PIP5K1C: variants seen among roughly 807,000 people sequenced by gnomAD.
PIP5K1C encodes the protein phosphatidylinositol 4-phosphate 5-kinase type-1 gamma.
A neutral mutation model predicts 80.1 loss-of-function variants in PIP5K1C; 45 were observed. The ratio of observed to expected loss-of-function variants is 0.56; its 90% CI spans 0.44 to 0.72. PIP5K1C has a LOEUF of 0.72. Ranked by LOEUF, PIP5K1C falls within the 30% of genes least tolerant of loss-of-function variation. PIP5K1C has a pLI of 0.00. For synonymous variants in PIP5K1C, 498 were observed against 420.1 expected (o/e 1.19, Z -2.27); for missense variants, 753 against 954.6 (o/e 0.79, Z 2.78).
intron 5 of PIP5K1C, among the ~76,000 whole-genome samples, chr19:3,659,832 A>T (rs1463498993): frequency 3.3e-5 from 5 of 152,148 alleles, no homozygotes; most frequent in Non-Finnish European, 7.4e-5. Context: ...ACGCACGCAC[A>T]GTCAGCAACC....
intron 2 of PIP5K1C, among the ~76,000 whole-genome samples, chr19:3,665,808 GAC>G (rs1383051951): frequency 1.3e-5 from 2 of 152,070 alleles, no homozygotes; most frequent in African/African-American, 4.8e-5. Flanking sequence ...AGCCTGAAGG[GAC>G]ACAGAGGCCA....
rs748334927 is a variant in PIP5K1C, at chr19:3,644,167, G to C, written c.1430C>G (p.Ala477Gly). The C allele has an allele frequency of 3.7e-6, 6 of 1,612,136 alleles. No individual in the cohort carries two copies. The African/African-American group carries it at 8.0e-5, about 22-fold the overall frequency. Reference protein sequence around the residue: ...KPLGPTAAFSASQIPSEREEA... With the variant: ...KPLGPTAAFSGSQIPSEREEA... ...CTCCCGCTCGCTAGGGATCTGGCTG[G>C]CCGAGAAGGCAGCGGTGGGCCCCAG... is the stretch of plus-strand genomic sequence containing the variant. The change falls in exon 12 of 18, where the codon GCC becomes GGC. Residue 477 changes from alanine to glycine, a missense_variant. By Grantham distance (60) the Ala-to-Gly change is moderately conservative. Coordinates refer to ENST00000335312, the MANE Select transcript of PIP5K1C (RefSeq NM_012398.3).
rs993731792 is a variant in PIP5K1C at position 3,688,327 on chromosome 19, CAG to C, written c.94+11968_94+11969del. Among the ~76,000 whole-genome samples, 2 of 152,168 alleles carry C rather than the reference CAG, an allele frequency of 1.3e-5. No homozygotes were observed. Among genetic ancestry groups the C allele is most frequent in the Non-Finnish European group, 2.9e-5 (2 of 68,016 alleles). The stretch of plus-strand genomic sequence containing the variant: ...CCTGAGGTTAGGCCGTGGTGGGAAA[CAG>C]AGCGGGGTGCCGCAGGGGAGCCCGC... On this transcript the variant is annotated intron_variant, in intron 1 of 17. Transcript: ENST00000335312. This position sits in a 1 kb window ranked among gnomAD's most constrained non-coding sequence, Gnocchi z 5.3.
Position 3,637,522 on chromosome 19 carries a change from C to G in PIP5K1C, c.1920+1362G>C. The stretch of plus-strand genomic sequence containing the variant: ...TGCCCCTTCTCCCCAGGGTGGCCGG[C>G]TGCGGTCACTTACAGTCCCCGAGGC... On this transcript the variant is annotated intron_variant, in intron 16 of 17. Coordinates refer to ENST00000335312, the MANE Select transcript of PIP5K1C (RefSeq NM_012398.3). This position sits in a 1 kb window ranked among gnomAD's most constrained non-coding sequence, Gnocchi z 7.0. 1 of 1,534,952 alleles carries G rather than the reference C, an allele frequency of 6.5e-7. No homozygotes were observed. Among genetic ancestry groups the G allele is most frequent in the African/African-American group, 1.4e-5 (1 of 73,082 alleles).
intron 4 of PIP5K1C, 35 bp from the exon 5 acceptor site, chr19:3,661,118 G>C: frequency 6.9e-7 from 1 of 1,457,020 alleles, no homozygotes; most frequent in Non-Finnish European, 9.6e-7. Flanking sequence ...CCTGTGAGGG[G>C]TGGTGGGCAC....
chr19:3,662,227 G>A (rs892781111), intron 3 of PIP5K1C, among the ~76,000 whole-genome samples: 12 of 152,216 alleles, frequency 7.9e-5, no homozygotes, highest in Non-Finnish European at 1.5e-5. Context: ...CCAGGACAGG[G>A]CTCGGCTGCA....
In PIP5K1C at chr19:3,696,037, A is replaced by C. The variant is rs1034644227; in HGVS notation, c.94+4260T>G. On this transcript the variant is annotated intron_variant, in intron 1 of 17. Transcript: ENST00000335312. The surrounding 1 kb of genome is among the most constrained non-coding windows in gnomAD (Gnocchi z 4.1). ...TGAGCCACCGTGCCCGGCCTCCCTG[A>C]CCTTTTTACACAGACCACCACAGCT... Among the ~76,000 whole-genome samples the C allele has an allele frequency of 6.6e-6, 1 of 151,966 alleles. No homozygotes were observed. Among genetic ancestry groups the C allele is most frequent in the African/African-American group, 2.4e-5 (1 of 41,378 alleles).
rs139419198 is a variant in PIP5K1C, at chr19:3,635,251, G to A, written c.1921-1731C>T. On this transcript the variant is annotated intron_variant, in intron 16 of 17. Transcript: ENST00000335312. ...ACAGTATCCTTCTGCTACAGCATTAGAAACGGGGATACAGGCCAGGTGCAG... is the reference window on the plus strand; with the variant it reads ...ACAGTATCCTTCTGCTACAGCATTAAAAACGGGGATACAGGCCAGGTGCAG... Among the ~76,000 whole-genome samples, 401 of 152,352 alleles carry A rather than the reference G, an allele frequency of 2.6e-3. 5 individuals carry two copies. In the East Asian group the frequency reaches 0.032, roughly 12 times the overall value.
chr19:3,647,253 G>A (rs1162288860), intron 10 of PIP5K1C, 85 bp downstream of exon 10: 24 of 1,191,772 alleles, frequency 2.0e-5, no homozygotes, highest in African/African-American at 1.4e-4. Context: ...CACTCACAGA[G>A]GGAGGAGGGA....
intron 1 of PIP5K1C, 82 bp from the exon 2 acceptor site, chr19:3,667,435 G>C (rs1490738565): frequency 3.3e-6 from 5 of 1,513,426 alleles, no homozygotes; most frequent in Non-Finnish European, 4.6e-6. Context: ...CCCACCTTCT[G>C]GCGCCCCAGG....
chr19:3,668,909 C>T (rs1476279460), intron 1 of PIP5K1C, among the ~76,000 whole-genome samples: 2 of 152,156 alleles, frequency 1.3e-5, no homozygotes, highest in Admixed American at 1.3e-4. Context: ...CCACGCTGCA[C>T]GGATAACAGC....
intron 1 of PIP5K1C, among the ~76,000 whole-genome samples, chr19:3,685,987 G>A (rs1438885874): frequency 1.3e-5 from 2 of 151,576 alleles, no homozygotes; most frequent in Non-Finnish European, 2.9e-5. Flanking sequence ...TCAGCCTCCT[G>A]AGTAGCTGGG....
chr19:3,637,752 A>C lies in PIP5K1C; in HGVS notation c.1920+1132T>G. On this transcript the variant is annotated intron_variant, in intron 16 of 17. Transcript: ENST00000335312. The surrounding 1 kb of genome is among the most constrained non-coding windows in gnomAD (Gnocchi z 7.0). ...TGGGGACAGCTGACTGCCAAGCAGA[A>C]GGTGGGGGGTGCCGGGGCAGGGGCA... The C allele has an allele frequency of 7.0e-7, 1 of 1,429,830 alleles. No homozygotes were observed. Among genetic ancestry groups the C allele is most frequent in the Admixed American group, 2.1e-5 (1 of 48,534 alleles). The allele number at this position is 1,429,830 out of a possible 1,614,324, so 88.6% of individuals were successfully genotyped here.
chr19:3,634,082 C>A (rs1003432782), intron 16 of PIP5K1C, among the ~76,000 whole-genome samples: 2 of 152,148 alleles, frequency 1.3e-5, no homozygotes, highest in Non-Finnish European at 2.9e-5. Flanking sequence ...GCTCGGACCA[C>A]CCACCCTGCA....
chr19:3,656,135 GGAGCCA>G (rs2034622149), intron 6 of PIP5K1C, among the ~76,000 whole-genome samples: 2 of 152,218 alleles, frequency 1.3e-5, no homozygotes. Flanking sequence ...GTGGGGATGG[GGAGCCA>G]GGCAGGGGCC....
At chr19:3,687,024 C>T (rs1600084913) in intron 1 of PIP5K1C, among the ~76,000 whole-genome samples, 1 of 152,086 alleles carries the variant, frequency 6.6e-6, no homozygotes, top group Admixed American at 6.6e-5. Flanking sequence ...AAAACCCTGT[C>T]CCTACTAAAA....
intron 9 of PIP5K1C, among the ~76,000 whole-genome samples, chr19:3,647,894 C>T (rs1203605007): frequency 6.6e-6 from 1 of 152,224 alleles, no homozygotes; most frequent in Non-Finnish European, 1.5e-5. Flanking sequence ...TTGCAGTGAG[C>T]CAAGATCGCA....
chr19:3,654,582 G>A (rs958147323), intron 6 of PIP5K1C, among the ~76,000 whole-genome samples: 30 of 152,044 alleles, frequency 2.0e-4, no homozygotes, highest in Non-Finnish European at 3.5e-4. Flanking sequence ...GTGGGAGGCC[G>A]AGGCGGGCGG....
intron 1 of PIP5K1C, among the ~76,000 whole-genome samples, chr19:3,694,120 G>A (rs2036029797): frequency 1.3e-5 from 2 of 151,302 alleles, no homozygotes; most frequent in Admixed American, 6.6e-5. Flanking sequence ...GCTGAGGCAG[G>A]AGAATGGCGT....
Sources: gnomAD v4.1 joint callset for allele counts (sites outside exome capture counted in the v4.1 genomes callset) on GRCh38, gnomAD v4.1.1 for gene constraint, Gnocchi (gnomAD v3.1) non-coding constraint, MANE v1.5 for transcripts, NCBI Gene and HGNC (gene_info 2026-07-23, HGNC 2026-07-21) for gene names.